Variants in ZNF718 observed in about 807,000 individuals in gnomAD.
ZNF718 encodes zinc finger protein 718.
ZNF718 carries 3 observed loss-of-function variants against 2.6 expected under a neutral mutation model. The observed-to-expected ratio is 1.16, with a 90% CI of 0.53 to 3.01. The LOEUF (loss-of-function observed/expected upper bound fraction) is 3.01, where lower values mean the gene tolerates loss of function less well. Among genes scored for constraint, ZNF718 ranks in the 30% most tolerant of loss-of-function variants. The pLI, the probability that ZNF718 is intolerant of heterozygous loss-of-function variation, is 0.03. For missense variants in ZNF718, 468 were observed against 230.0 expected (o/e 2.03, Z -6.69); for synonymous variants, 135 against 77.9 (o/e 1.73, Z -3.86).
intron 3 of ZNF718, among the ~76,000 whole-genome samples, chr4:145,780 A>C (rs1042795310): frequency 6.6e-6 from 1 of 152,080 alleles, no homozygotes; most frequent in Non-Finnish European, 1.5e-5. Flanking sequence ...AAAAAACCAA[A>C]CAGCTTTGTG....
chr4:124,993 C>T, intron 1 of ZNF718: 1 of 321,862 alleles, frequency 3.1e-6, no homozygotes, highest in Non-Finnish European at 5.9e-6. Context: ...CCCGTCCCTA[C>T]TTTACCCTGT....
rs576462927 is a variant in ZNF718, at chr4:161,920, A to G, written c.1235A>G (p.Asn412Ser). The G allele has an allele frequency of 2.6e-6, 2 of 780,092 alleles. No homozygotes were observed. Among genetic ancestry groups the G allele is most frequent in the African/African-American group, 3.4e-5 (2 of 59,176 alleles). The allele number at this position is 780,092 out of a possible 1,614,324, so 48.3% of individuals were successfully genotyped here. The change falls in exon 4 of 4, where the codon AAT becomes AGT. Residue 412 changes from asparagine to serine, a missense_variant. Physicochemically the swap from Asn to Ser is conservative, Grantham distance 46. Transcript: ENST00000510175. ...KAFKVFANLHNHKKIHTGEKP... is the reference protein window; with the variant it reads ...KAFKVFANLHSHKKIHTGEKP... ...TTTAAAGTGTTTGCAAACCTGCATA[A>G]TCATAAGAAAATTCATACTGGAGAG...
intron 3 of ZNF718, among the ~76,000 whole-genome samples, chr4:175,319 A>G (rs1399867316): frequency 6.6e-6 from 1 of 152,220 alleles, no homozygotes; most frequent in Admixed American, 6.5e-5. Context: ...TTTCTACTCC[A>G]ATAGCTATCA....
intron 3 of ZNF718, chr4:136,297 G>A (rs758926551): frequency 3.4e-5 from 17 of 498,646 alleles, no homozygotes; most frequent in Non-Finnish European, 6.4e-5. Flanking sequence ...GACTGTGGCT[G>A]TGAGGGCTAG....
chr4:151,019 T>A (rs1409383089), intron 3 of ZNF718, among the ~76,000 whole-genome samples: 4 of 152,184 alleles, frequency 2.6e-5, no homozygotes, highest in African/African-American at 9.7e-5. Flanking sequence ...CTATAATGGC[T>A]CTACTAACTT....
At chr4:140,779 G>A (rs1560111956) in intron 3 of ZNF718, among the ~76,000 whole-genome samples, 1 of 152,104 alleles carries the variant, frequency 6.6e-6, no homozygotes, top group African/African-American at 2.4e-5. Context: ...TATATGTTAT[G>A]TCTACCAAAT....
At chr4:182,711 G>A (rs1717492786) in intron 3 of ZNF718, among the ~76,000 whole-genome samples, 1 of 152,072 alleles carries the variant, frequency 6.6e-6, no homozygotes, top group African/African-American at 2.4e-5. Flanking sequence ...GAGATTACAG[G>A]TGTGAGCCAC....
chr4:189,064 T>A (rs564420425), intron 3 of ZNF718, among the ~76,000 whole-genome samples: 2,085 of 150,136 alleles, frequency 0.014, 57 homozygotes, highest in African/African-American at 0.049. Flanking sequence ...AGATTATTTT[T>A]TTTTTTTTTT....
At chr4:125,155 A>G (rs73793523) in intron 1 of ZNF718, 1,946 of 155,550 alleles carry the variant, frequency 0.013, 47 homozygotes, top group African/African-American at 0.044. Context: ...AAGCGAAGCA[A>G]ATCACCTGCC....
At chr4:185,851 A>AT (rs1220520162) in intron 3 of ZNF718, among the ~76,000 whole-genome samples, 1 of 151,846 alleles carries the variant, frequency 6.6e-6, no homozygotes, top group African/African-American at 2.4e-5. Flanking sequence ...TGCTTGGTAA[A>AT]TTTTCATCCA....
chr4:155,933 A>C (rs1488877668), intron 3 of ZNF718, among the ~76,000 whole-genome samples: 1 of 152,174 alleles, frequency 6.6e-6, no homozygotes, highest in Non-Finnish European at 1.5e-5. Flanking sequence ...GAATCAGGGC[A>C]GTGGTTTTTC....
At chr4:192,677 G>A (rs1456813066) in intron 3 of ZNF718, among the ~76,000 whole-genome samples, 1 of 152,186 alleles carries the variant, frequency 6.6e-6, no homozygotes, top group African/African-American at 2.4e-5. Context: ...TGCCTTCAAT[G>A]TCATCAACAT....
At chr4:125,886 C>G (rs1438099031) in intron 1 of ZNF718, among the ~76,000 whole-genome samples, 1 of 152,234 alleles carries the variant, frequency 6.6e-6, no homozygotes, top group African/African-American at 2.4e-5. Context: ...ACGCAGTGCC[C>G]AGAAGACTCC....
At chr4:164,898 A>G (rs1156884673), downstream of ZNF718, among the ~76,000 whole-genome samples, 1 of 152,180 alleles carries the variant, frequency 6.6e-6, no homozygotes, top group Admixed American at 6.6e-5. Context: ...AATTAGGTAT[A>G]AATATTTTTC....
At chr4:145,830 A>G (rs1409044264) in intron 3 of ZNF718, among the ~76,000 whole-genome samples, 1 of 152,038 alleles carries the variant, frequency 6.6e-6, no homozygotes, top group Non-Finnish European at 1.5e-5. Context: ...TATTTTAGAG[A>G]CAGAGTCCCG....
At chr4:188,915 A>C (rs1368691584) in intron 3 of ZNF718, among the ~76,000 whole-genome samples, 1 of 151,866 alleles carries the variant, frequency 6.6e-6, no homozygotes, top group African/African-American at 2.4e-5. Context: ...AACTGATATC[A>C]GAAGTAAATT....
chr4:149,236 G>A (rs782094690), intron 3 of ZNF718, among the ~76,000 whole-genome samples: 1 of 152,140 alleles, frequency 6.6e-6, no homozygotes, highest in Admixed American at 6.5e-5. Flanking sequence ...ATAAGTACAT[G>A]TATTGACATG....
At chr4:199,377 A>G (rs1717855164) in intron 3 of ZNF718, among the ~76,000 whole-genome samples, 1 of 152,040 alleles carries the variant, frequency 6.6e-6, no homozygotes, top group Non-Finnish European at 1.5e-5. Context: ...CAACTAACTC[A>G]ATTTCCTTGC....
intron 3 of ZNF718, among the ~76,000 whole-genome samples, chr4:158,383 T>C (rs1654907281): frequency 6.6e-6 from 1 of 151,998 alleles, no homozygotes; most frequent in Admixed American, 6.6e-5. Flanking sequence ...AATAATTTGC[T>C]GACAGAAAGG....
Sources: gnomAD v4.1 joint callset for allele counts (sites outside exome capture counted in the v4.1 genomes callset) on GRCh38, gnomAD v4.1.1 for gene constraint, MANE v1.5 for transcripts, NCBI Gene and HGNC (gene_info 2026-07-23, HGNC 2026-07-21) for gene names.